Variants in RHBG observed in about 807,000 individuals in gnomAD.
RHBG encodes ammonium transporter Rh type B.
Under a neutral mutation model 40.1 loss-of-function variants are expected in RHBG, and 39 were observed. The ratio of observed to expected loss-of-function variants is 0.97; its 90% CI spans 0.75 to 1.27. The LOEUF (loss-of-function observed/expected upper bound fraction) is 1.27, where lower values mean the gene tolerates loss of function less well. Among genes scored for constraint, RHBG ranks in the 50% most tolerant of loss-of-function variants. The pLI is 0.00. For missense variants in RHBG, 549 were observed against 588.1 expected (o/e 0.93, Z 0.69); for synonymous variants, 237 against 252.5 (o/e 0.94, Z 0.58).
rs776033823 is a variant in RHBG at position 156,369,419 on chromosome 1, T to G, written c.170T>G (p.Phe57Cys). The change falls in exon 1 of 10, where the codon TTT becomes TGT. Residue 57 changes from phenylalanine to cysteine, a missense_variant. Physicochemically the swap from Phe to Cys is radical, Grantham distance 205. This residue lies in a region of RHBG where 99 missense variants were observed against 85.2 expected (regional missense o/e 1.16). Transcript: ENST00000537040. The part of the protein sequence containing the change: ...RSNHSNADNE[F>C]YFRYPSFQDV... ...AACCACAGTAACGCGGACAATGAAT[T>G]TTACTTTCGCTACCCAAGTGAGTGC... 10 of 1,612,752 alleles carry G rather than the reference T, an allele frequency of 6.2e-6. No homozygotes were observed. Among genetic ancestry groups the G allele is most frequent in the Non-Finnish European group, 8.5e-6 (10 of 1,179,450 alleles).
rs1666689195 is a variant in RHBG, at chr1:156,369,406, G to A, written c.157G>A (p.Ala53Thr). 1.2e-6 allele frequency: 2 copies of A among 1,613,530 alleles called. No individual in the cohort carries two copies. The highest frequency in any genetic ancestry group is 1.1e-5 in the South Asian group (1 of 91,026). ...CTGGCACCGGAGCAACCACAGTAAC[G>A]CGGACAATGAATTTTACTTTCGCTA... ...ALWHRSNHSN[A>T]DNEFYFRYPS... The change falls in exon 1 of 10, where the codon GCG becomes ACG. Residue 53 changes from alanine (A) to threonine (T), a missense_variant. By Grantham distance (58) the Ala-to-Thr change is moderately conservative (BLOSUM62 0). Transcript: ENST00000537040.
intron 5 of RHBG, 59 bp downstream of exon 5, chr1:156,381,572 T>A: frequency 6.6e-7 from 1 of 1,526,336 alleles, no homozygotes; most frequent in Non-Finnish European, 8.8e-7. Context: ...GGAGGAGAGG[T>A]CTGAGACCCT....
Position 156,369,221 on chromosome 1 carries a change from G to A in RHBG, c.-29G>A. ...CCGGGAATTGTCTGCCAAAGCCTGC[G>A]AGCGCCAGCCGAGATCGCAGCCCAA... On this transcript the variant is annotated 5_prime_UTR_variant, in exon 1 of 10. Coordinates refer to ENST00000537040, the MANE Select transcript of RHBG (RefSeq NM_020407.5). 1.2e-6 allele frequency: 2 copies of A among 1,602,906 alleles called. No homozygotes were observed. Among genetic ancestry groups the A allele is most frequent in the Middle Eastern group, 2.1e-4 (1 of 4,750 alleles).
intron 3 of RHBG, 52 bp from the exon 4 acceptor site, chr1:156,378,200 C>T: frequency 6.3e-7 from 1 of 1,586,970 alleles, no homozygotes; most frequent in Non-Finnish European, 8.6e-7. Context: ...AGCCTCTGAG[C>T]CAGGAGCGTG....
intron 4 of RHBG, among the ~76,000 whole-genome samples, chr1:156,379,419 T>C (rs183372165): frequency 6.6e-6 from 1 of 152,306 alleles, no homozygotes; most frequent in Non-Finnish European, 1.5e-5. Flanking sequence ...GAATAGGGAC[T>C]GAAGTACCTA....
intron 1 of RHBG, chr1:156,371,211 G>A (rs1273856024): frequency 5.0e-6 from 2 of 400,940 alleles, no homozygotes; most frequent in Non-Finnish European, 9.6e-6. Context: ...CCAGGCTGGA[G>A]TGCAACGGCG....
At chr1:156,379,715 G>A (rs1263010821) in intron 4 of RHBG, among the ~76,000 whole-genome samples, 1 of 152,180 alleles carries the variant, frequency 6.6e-6, no homozygotes, top group East Asian at 1.9e-4. Flanking sequence ...GAGTGTGGGA[G>A]ATTTTACTCC....
chr1:156,382,618 G>C lies in RHBG; in HGVS notation c.1113-130G>C, dbSNP rs872119. ...CTGGAGGTGAGACTCAGCCTGGCAT[G>C]CACCCTCGAGACCCTCTTGGCCACT... On this transcript the variant is annotated intron_variant, in intron 7 of 9. Coordinates refer to ENST00000537040, the MANE Select transcript of RHBG (RefSeq NM_020407.5). The C allele has an allele frequency of 2.1e-3, 2,412 of 1,130,320 alleles. 33 individuals carry two copies. The African/African-American group carries it at 0.033, about 16-fold the overall frequency. 70.0% of individuals were successfully genotyped at this position (1,130,320 alleles called of 1,614,324 possible).
At chr1:156,383,167 G>C (rs1013419115) in intron 8 of RHBG, among the ~76,000 whole-genome samples, 1 of 152,214 alleles carries the variant, frequency 6.6e-6, no homozygotes, top group African/African-American at 2.4e-5. Flanking sequence ...ACCTCAGGCT[G>C]AGGCCTAGAA....
In RHBG at chr1:156,385,084, G is replaced by A. The variant is rs770651317; in HGVS notation, c.*239G>A. ...GGGAACCTCACCAGATGCCCAACCC[G>A]ACTGCCCTACCAGCCTGCACATGGG... is the stretch of plus-strand genomic sequence containing the variant. On this transcript the variant is annotated 3_prime_UTR_variant, in exon 10 of 10. Coordinates refer to ENST00000537040, the MANE Select transcript of RHBG (RefSeq NM_020407.5). 2.5e-5 allele frequency: 12 copies of A among 474,404 alleles called. No homozygotes were observed. Among genetic ancestry groups the A allele is most frequent in the Non-Finnish European group, 3.5e-5 (9 of 260,726 alleles). The allele number at this position is 474,404 out of a possible 1,614,324, so 29.4% of individuals were successfully genotyped here.
chr1:156,374,322 G>C (rs2101763516), intron 1 of RHBG, among the ~76,000 whole-genome samples: 1 of 152,128 alleles, frequency 6.6e-6, no homozygotes, highest in South Asian at 2.1e-4. Context: ...GGGATCGCTA[G>C]GTATAGATCA....
chr1:156,369,269 G>T lies in RHBG; in HGVS notation c.20G>T (p.Arg7Leu). 6.2e-7 allele frequency: 1 copy of T among 1,613,336 alleles called. No individual in the cohort carries two copies. Among genetic ancestry groups the T allele is most frequent in the Non-Finnish European group, 8.5e-7 (1 of 1,179,870 alleles). ...CAACCCATGGCCGGGTCTCCTAGCC[G>T]CGCCGCGGGCCGGCGACTGCAGCTT... is the stretch of plus-strand genomic sequence containing the variant. MAGSPS[R>L]AAGRRLQLPL... Residue 7 changes from arginine to leucine, a missense_variant, in exon 1 of 10, where the codon CGC becomes CTC. By Grantham distance (102) the Arg-to-Leu change is moderately radical. Coordinates refer to ENST00000537040, the MANE Select transcript of RHBG (RefSeq NM_020407.5).
In RHBG at chr1:156,385,155, G is replaced by T; in HGVS notation, c.*310G>T. 1 of 312,516 alleles carries T rather than the reference G, an allele frequency of 3.2e-6. No homozygotes were observed. 19.4% of individuals were successfully genotyped at this position (312,516 alleles called of 1,614,324 possible). A position where few individuals can be genotyped will look rare whatever the true frequency, so the allele number is the denominator to read the frequency against. On this transcript the variant is annotated 3_prime_UTR_variant, in exon 10 of 10. Transcript: ENST00000537040. ...CACCCAAGTGATCCACTGGCCCCAC[G>T]TCACACAGTTACAGTGAAGCCCAAG...
rs374459477 is a variant in RHBG, at chr1:156,378,013, C to A, written c.398C>A (p.Ala133Glu). The A allele has an allele frequency of 2.6e-6, 4 of 1,553,578 alleles. No individual in the cohort carries two copies. Among genetic ancestry groups the A allele is most frequent in the Non-Finnish European group, 3.5e-6 (4 of 1,146,922 alleles). The part of the protein sequence containing the change: ...VESMINADFC[A>E]GAVLISFGAV... ...AGCATGATCAATGCTGACTTTTGTG[C>A]GGGGGCCGTGCTCATCTCCTTTGGT... The change falls in exon 3 of 10, where the codon GCG becomes GAG. Residue 133 changes from alanine (A) to glutamate (E), a missense_variant. Ala to Glu is a moderately radical substitution (Grantham distance 107, BLOSUM62 -1). Coordinates refer to ENST00000537040, the MANE Select transcript of RHBG (RefSeq NM_020407.5).
intron 1 of RHBG, among the ~76,000 whole-genome samples, chr1:156,370,836 C>T (rs1422794960): frequency 6.6e-6 from 1 of 151,858 alleles, no homozygotes; most frequent in Non-Finnish European, 1.5e-5. Context: ...AACTTTTTGC[C>T]CCACAAGTCA....
chr1:156,379,387 T>C (rs1011402464), intron 4 of RHBG, among the ~76,000 whole-genome samples: 3 of 151,794 alleles, frequency 2.0e-5, no homozygotes, highest in Non-Finnish European at 4.4e-5. Flanking sequence ...GTATTTTTAA[T>C]TTTTTTTTCA....
chr1:156,369,541 GC>G, intron 1 of RHBG, 105 bp downstream of exon 1: 1 of 1,250,978 alleles, frequency 8.0e-7, no homozygotes. Context: ...TAGCTGGGCA[GC>G]CGTCTCGCTC....
chr1:156,381,621 C>T (rs1667644498), intron 5 of RHBG, 108 bp downstream of exon 5: 1 of 1,407,564 alleles, frequency 7.1e-7, no homozygotes, highest in African/African-American at 1.4e-5. Flanking sequence ...AGGGCACAGG[C>T]ATAGGGGCTC....
chr1:156,382,436 A>G, intron 7 of RHBG: 1 of 637,400 alleles, frequency 1.6e-6, no homozygotes, highest in South Asian at 1.9e-5. Flanking sequence ...TTGTTACTGA[A>G]GGGTCAGTAA....
Sources: allele counts gnomAD v4.1 joint callset (sites outside exome capture counted in the v4.1 genomes callset), GRCh38; gene constraint gnomAD v4.1.1; regional missense constraint gnomAD v4.1.1; transcripts MANE v1.5; gene names NCBI Gene and HGNC (gene_info 2026-07-23, HGNC 2026-07-21).